RBM20: variants seen among roughly 807,000 people sequenced by gnomAD.
RBM20 encodes the protein RNA binding motif protein 20, also known as RNA-binding protein 20.
In RBM20, 51 loss-of-function variants were observed where a neutral mutation model predicts 110.1. The ratio of observed to expected loss-of-function variants is 0.46; its 90% CI spans 0.37 to 0.59. RBM20 has a LOEUF of 0.59. RBM20 is among the 20% of genes least tolerant of loss of function. The pLI, the probability that RBM20 is intolerant of heterozygous loss-of-function variation, is 0.00. For missense variants in RBM20, 1,512 were observed against 1,574.9 expected (o/e 0.96, Z 0.68); for synonymous variants, 589 against 618.2 (o/e 0.95, Z 0.70).
At chr10:110,682,031 A>C (rs1862431196) in intron 1 of RBM20, among the ~76,000 whole-genome samples, 1 of 152,050 alleles carries the variant, frequency 6.6e-6, no homozygotes, top group African/African-American at 2.4e-5. Flanking sequence ...CTGGGATTAC[A>C]GTTGCCCATC....
chr10:110,667,065 G>A (rs1476637667), intron 1 of RBM20, among the ~76,000 whole-genome samples: 2 of 152,206 alleles, frequency 1.3e-5, no homozygotes, highest in Non-Finnish European at 2.9e-5. Context: ...CTTAGGATGT[G>A]TGTGGTCTTA....
intron 6 of RBM20, 21 bp downstream of exon 6, chr10:110,797,669 T>TC: frequency 6.5e-7 from 1 of 1,550,282 alleles, no homozygotes; most frequent in Non-Finnish European, 8.7e-7. Flanking sequence ...GTACTTTCAC[T>TC]CCAGTGTATA....
intron 1 of RBM20, among the ~76,000 whole-genome samples, chr10:110,778,805 T>C (rs1253035698): frequency 2.6e-5 from 4 of 152,222 alleles, no homozygotes; most frequent in Admixed American, 2.0e-4. Flanking sequence ...TCCCAGATGT[T>C]CTGGGAAAGT....
intron 7 of RBM20, 44 bp downstream of exon 7, chr10:110,799,962 ATG>A: frequency 3.9e-6 from 6 of 1,539,398 alleles, no homozygotes; most frequent in Non-Finnish European, 5.3e-6. Flanking sequence ...CAAGCACCAG[ATG>A]AGTTTCTCCT....
At chr10:110,669,899 A>G (rs759969820) in intron 1 of RBM20, among the ~76,000 whole-genome samples, 6 of 152,228 alleles carry the variant, frequency 3.9e-5, no homozygotes, top group Non-Finnish European at 8.8e-5. Flanking sequence ...AACTTGGTCA[A>G]TCGACAAACT....
chr10:110,652,855 C>T (rs1163889721), intron 1 of RBM20, among the ~76,000 whole-genome samples: 1 of 152,172 alleles, frequency 6.6e-6, no homozygotes, highest in Non-Finnish European at 1.5e-5. Flanking sequence ...ACTCACTTCC[C>T]CTAAGAGGGT....
At chr10:110,772,758 T>C (rs1844210233) in intron 1 of RBM20, among the ~76,000 whole-genome samples, 1 of 152,162 alleles carries the variant, frequency 6.6e-6, no homozygotes, top group Non-Finnish European at 1.5e-5. Context: ...CTCCCAGGAG[T>C]GGCCAGGTGC....
chr10:110,798,475 A>G (rs1685090013), intron 6 of RBM20, among the ~76,000 whole-genome samples: 1 of 152,200 alleles, frequency 6.6e-6, no homozygotes, highest in South Asian at 2.1e-4. Flanking sequence ...GGGTAAATGC[A>G]CAGAATTCAG....
intron 10 of RBM20, among the ~76,000 whole-genome samples, chr10:110,820,664 C>A (rs1306039045): frequency 4.6e-5 from 7 of 152,186 alleles, no homozygotes; most frequent in African/African-American, 1.7e-4. Context: ...GCTGCCACAA[C>A]AAAAAGAAAT....
intron 12 of RBM20, among the ~76,000 whole-genome samples, chr10:110,824,050 T>A (rs1297184994): frequency 6.6e-6 from 1 of 152,062 alleles, no homozygotes; most frequent in Non-Finnish European, 1.5e-5. Context: ...TTTAAGTGTA[T>A]GATGCAATAA....
At chr10:110,752,945 ATTTTTT>A (rs71492062) in intron 1 of RBM20, among the ~76,000 whole-genome samples, 2 of 109,012 alleles carry the variant, frequency 1.8e-5, no homozygotes, top group Non-Finnish European at 3.4e-5. Flanking sequence ...ATATATATAT[ATTTTTT>A]TTTTTTTTAT....
At chr10:110,747,500 A>G (rs975570129) in intron 1 of RBM20, among the ~76,000 whole-genome samples, 1 of 152,166 alleles carries the variant, frequency 6.6e-6, no homozygotes, top group Non-Finnish European at 1.5e-5. Context: ...CCTCTGTCCC[A>G]AGTTTCTCCC....
chr10:110,771,356 T>C (rs1844186742), intron 1 of RBM20, among the ~76,000 whole-genome samples: 1 of 152,108 alleles, frequency 6.6e-6, no homozygotes, highest in Non-Finnish European at 1.5e-5. Context: ...CTAGAACTCC[T>C]GACCTTAAGT....
At chr10:110,776,246 G>A (rs1459444662) in intron 1 of RBM20, among the ~76,000 whole-genome samples, 2 of 152,170 alleles carry the variant, frequency 1.3e-5, no homozygotes, top group Admixed American at 6.5e-5. Context: ...GGTCCAGTCA[G>A]CCCCTACACC....
intron 1 of RBM20, among the ~76,000 whole-genome samples, chr10:110,697,647 T>C (rs1324082161): frequency 1.3e-5 from 2 of 152,246 alleles, no homozygotes; most frequent in African/African-American, 4.8e-5. Context: ...GGTTGTTTCC[T>C]GGCCCCTGAG....
intron 5 of RBM20, among the ~76,000 whole-genome samples, chr10:110,785,409 T>C (rs1288064242): frequency 3.3e-5 from 5 of 152,084 alleles, no homozygotes; most frequent in Admixed American, 6.6e-5. Context: ...TGGCCATAGA[T>C]TGGTTCATGA....
At position 110,644,443 on chromosome 10, in the gene RBM20, G is replaced by C. The variant is rs1478753737; in HGVS notation, c.-12G>C. ...GCTCTCTCGCCGCGATCCCGGGCGG[G>C]TCTCGCCCCGCATGGTGCTGGCAGC... On this transcript the variant is annotated 5_prime_UTR_variant, in exon 1 of 14. Coordinates refer to ENST00000369519, the MANE Select transcript of RBM20 (RefSeq NM_001134363.3). This position sits in a 1 kb window ranked among gnomAD's most constrained non-coding sequence, Gnocchi z 4.3. 6.8e-7 allele frequency: 1 copy of C among 1,475,964 alleles called. No homozygotes were observed. The highest frequency in any genetic ancestry group is 8.9e-7 in the Non-Finnish European group (1 of 1,118,698). 91.4% of individuals were successfully genotyped at this position (1,475,964 alleles called of 1,614,324 possible).
intron 1 of RBM20, among the ~76,000 whole-genome samples, chr10:110,762,892 T>C (rs1227452390): frequency 2.6e-5 from 4 of 152,164 alleles, no homozygotes; most frequent in Non-Finnish European, 4.4e-5. Context: ...CCAAACCTGC[T>C]GATTGGAGTA....
rs1204503003 is a variant in RBM20 at position 110,836,446 on chromosome 10, A to G, written c.*468A>G. The G allele has an allele frequency of 1.3e-5, 2 of 152,534 alleles. No homozygotes were observed. Among genetic ancestry groups the G allele is most frequent in the Admixed American group, 6.5e-5 (1 of 15,308 alleles). 9.4% of individuals were successfully genotyped at this position (152,534 alleles called of 1,614,324 possible). On this transcript the variant is annotated 3_prime_UTR_variant, in exon 14 of 14. Transcript: ENST00000369519. Reference sequence around the variant, plus strand: ...TCAGGCGAACCCCTGCAGTGAGTCTACAGCAGTATCTCTGCCTGGTGTCCC... The same window carrying G: ...TCAGGCGAACCCCTGCAGTGAGTCTGCAGCAGTATCTCTGCCTGGTGTCCC...
Sources: gnomAD v4.1 joint callset for allele counts (sites outside exome capture counted in the v4.1 genomes callset) on GRCh38, gnomAD v4.1.1 for gene constraint, Gnocchi (gnomAD v3.1) non-coding constraint, MANE v1.5 for transcripts, NCBI Gene and HGNC (gene_info 2026-07-23, HGNC 2026-07-21) for gene names.